ESRRG: variants seen among roughly 807,000 people sequenced by gnomAD.
ESRRG encodes estrogen related receptor gamma, also known as estrogen-related receptor gamma.
In ESRRG, 13 loss-of-function variants were observed where a neutral mutation model predicts 44.0. The ratio of observed to expected loss-of-function variants is 0.30; its 90% CI spans 0.19 to 0.47. The LOEUF is 0.47. Among genes scored for constraint, ESRRG ranks in the 20% least tolerant of loss-of-function variants. ESRRG has a pLI of 1.00. For synonymous variants in ESRRG, 215 were observed against 214.6 expected (o/e 1.00, Z -0.02); for missense variants, 395 against 580.6 (o/e 0.68, Z 3.29).
At position 216,506,614 on chromosome 1, in the gene ESRRG, A is replaced by C. The variant is rs1285483351; in HGVS notation, c.*325T>G. 6.2e-6 allele frequency: 3 copies of C among 487,404 alleles called. No homozygotes were observed. Among genetic ancestry groups the C allele is most frequent in the African/African-American group, 3.9e-5 (2 of 51,508 alleles). The allele number at this position is 487,404 out of a possible 1,614,324, so 30.2% of individuals were successfully genotyped here. ...GGTAAAGAAAAGAAAGAAGGCAGGC[A>C]GACGGGAAGAAAATAAAGGAGAATG... On this transcript the variant is annotated 3_prime_UTR_variant, in exon 7 of 7. Transcript: ENST00000408911.
chr1:216,789,470 G>C (rs1559645017), intron 2 of ESRRG, among the ~76,000 whole-genome samples: 1 of 152,110 alleles, frequency 6.6e-6, no homozygotes, highest in Non-Finnish European at 1.5e-5. Context: ...ACACTTAATA[G>C]ACCACAGCAT....
At chr1:216,873,964 G>T (rs1449432206) in intron 2 of ESRRG, among the ~76,000 whole-genome samples, 4 of 105,944 alleles carry the variant, frequency 3.8e-5, no homozygotes, top group African/African-American at 1.0e-4. Flanking sequence ...GGGGAAGAGG[G>T]GAGGGGAGGG....
chr1:217,025,018 G>A (rs2080961845), intron 1 of ESRRG, among the ~76,000 whole-genome samples: 1 of 152,164 alleles, frequency 6.6e-6, no homozygotes, highest in Non-Finnish European at 1.5e-5. Flanking sequence ...CACCAGGACT[G>A]TGGAGCCCCT....
intron 2 of ESRRG, among the ~76,000 whole-genome samples, chr1:216,880,692 C>A (rs148315493): frequency 1.3e-3 from 199 of 152,126 alleles, no homozygotes; most frequent in Middle Eastern, 0.01. Flanking sequence ...AATTTAGAAG[C>A]TATTGGATAT....
intron 3 of ESRRG, among the ~76,000 whole-genome samples, chr1:216,583,619 C>T (rs1159381870): frequency 1.3e-5 from 2 of 152,148 alleles, no homozygotes; most frequent in East Asian, 1.9e-4. Flanking sequence ...TGAAATTGAA[C>T]TCAAGTTACC....
At chr1:216,598,081 C>G (rs2058691226) in intron 3 of ESRRG, among the ~76,000 whole-genome samples, 1 of 152,096 alleles carries the variant, frequency 6.6e-6, no homozygotes, top group Non-Finnish European at 1.5e-5. Flanking sequence ...CTGAATACTT[C>G]ATACATATTA....
At chr1:216,534,040 A>G (rs1196086144) in intron 5 of ESRRG, among the ~76,000 whole-genome samples, 1 of 152,116 alleles carries the variant, frequency 6.6e-6, no homozygotes, top group African/African-American at 2.4e-5. Flanking sequence ...CGAGGCAGCT[A>G]TAATAGCTAC....
At chr1:216,612,210 G>C (rs918787624) in intron 3 of ESRRG, among the ~76,000 whole-genome samples, 1 of 152,108 alleles carries the variant, frequency 6.6e-6, no homozygotes, top group African/African-American at 2.4e-5. Context: ...ATACTCTGTA[G>C]GTAGAACCTA....
At chr1:217,090,054 C>T (rs1225670763), upstream of ESRRG, among the ~76,000 whole-genome samples, 1 of 152,062 alleles carries the variant, frequency 6.6e-6, no homozygotes, top group Non-Finnish European at 1.5e-5. Context: ...ATTCCCGGCA[C>T]TGTCATGATT....
At chr1:216,721,969 A>G (rs1027320772) in intron 1 of ESRRG, among the ~76,000 whole-genome samples, 4 of 152,196 alleles carry the variant, frequency 2.6e-5, no homozygotes, top group African/African-American at 7.2e-5. Flanking sequence ...CTGTGTGAGC[A>G]TGGATGTGGG....
chr1:216,580,686 C>T (rs2062597156), intron 3 of ESRRG, among the ~76,000 whole-genome samples: 1 of 152,162 alleles, frequency 6.6e-6, no homozygotes, highest in African/African-American at 2.4e-5. Flanking sequence ...AAGCTCTCTT[C>T]CAGTTCTAAA....
chr1:216,818,751 G>T (rs12742081), intron 2 of ESRRG, among the ~76,000 whole-genome samples: 83,470 of 151,962 alleles, frequency 0.55, 24,007 homozygotes, highest in Non-Finnish European at 0.64. Flanking sequence ...TATTCTTCCA[G>T]ATGCTCTCAC....
At chr1:216,558,200 C>T (rs1353068234) in intron 5 of ESRRG, among the ~76,000 whole-genome samples, 1 of 152,122 alleles carries the variant, frequency 6.6e-6, no homozygotes, top group Admixed American at 6.6e-5. Flanking sequence ...AGGGTAGCTG[C>T]AGAAAATAGA....
chr1:217,040,149 G>A (rs756288724), intron 1 of ESRRG, among the ~76,000 whole-genome samples: 17 of 152,124 alleles, frequency 1.1e-4, no homozygotes, highest in Admixed American at 3.9e-4. Context: ...AAATCTTCTG[G>A]TTCATAAGAA....
At chr1:216,848,102 T>G (rs756684874) in intron 2 of ESRRG, among the ~76,000 whole-genome samples, 6 of 152,072 alleles carry the variant, frequency 3.9e-5, no homozygotes, top group Admixed American at 6.6e-5. Flanking sequence ...CAAAAATGAC[T>G]CCAGATATTG....
chr1:217,026,225 C>T (rs1360611757), intron 1 of ESRRG, among the ~76,000 whole-genome samples: 1 of 152,218 alleles, frequency 6.6e-6, no homozygotes, highest in African/African-American at 2.4e-5. Context: ...ACAGCTCTAC[C>T]TGCTGACTAG....
chr1:216,962,810 C>T (rs1389755306), intron 1 of ESRRG, among the ~76,000 whole-genome samples: 1 of 152,110 alleles, frequency 6.6e-6, no homozygotes, highest in Non-Finnish European at 1.5e-5. Context: ...TCAGAAAAAA[C>T]AGTGAACATG....
intron 2 of ESRRG, among the ~76,000 whole-genome samples, chr1:216,871,750 T>A (rs1214228342): frequency 6.6e-6 from 1 of 152,084 alleles, no homozygotes; most frequent in Non-Finnish European, 1.5e-5. Flanking sequence ...TTCCTCTTTA[T>A]GTCGTAGTTG....
At chr1:216,748,015 C>T (rs2091605686) in intron 2 of ESRRG, among the ~76,000 whole-genome samples, 1 of 152,092 alleles carries the variant, frequency 6.6e-6, no homozygotes, top group Non-Finnish European at 1.5e-5. Context: ...ATAAAAGATA[C>T]TATTGAAATA....
Sources: gnomAD v4.1 joint callset for allele counts (sites outside exome capture counted in the v4.1 genomes callset) on GRCh38, gnomAD v4.1.1 for gene constraint, MANE v1.5 for transcripts, NCBI Gene and HGNC (gene_info 2026-07-23, HGNC 2026-07-21) for gene names.